Variants in SUGP1 observed in about 807,000 individuals in gnomAD.
SUGP1 encodes the protein SURP and G-patch domain containing 1.
In SUGP1, 34 loss-of-function variants were observed where a neutral mutation model predicts 76.5. The ratio of observed to expected loss-of-function variants is 0.44; its 90% CI spans 0.34 to 0.59. SUGP1 has a LOEUF of 0.59. Among genes scored for constraint, SUGP1 ranks in the 20% least tolerant of loss-of-function variants. The pLI is 0.01. For missense variants in SUGP1, 752 were observed against 851.7 expected (o/e 0.88, Z 1.46); for synonymous variants, 326 against 326.2 (o/e 1.00, Z 0.01).
intron 8 of SUGP1, among the ~76,000 whole-genome samples, chr19:19,285,997 C>T (rs1333765160): frequency 6.6e-6 from 1 of 152,162 alleles, no homozygotes; most frequent in African/African-American, 2.4e-5. Context: ...ACCAGCTGCC[C>T]GTCTTCTGGT....
chr19:19,316,272 AGCC>A (rs1282968604), intron 2 of SUGP1, 147 bp downstream of exon 2: 1 of 960,332 alleles, frequency 1.0e-6, no homozygotes. Flanking sequence ...TGCCACAGTG[AGCC>A]TCCCAAGGGC....
chr19:19,312,710 A>G (rs1052699931), intron 2 of SUGP1, among the ~76,000 whole-genome samples: 3 of 152,210 alleles, frequency 2.0e-5, no homozygotes, highest in African/African-American at 4.8e-5. Flanking sequence ...AAACAAGGCC[A>G]GGCGCGGTGG....
chr19:19,306,703 C>T (rs76944848), intron 3 of SUGP1, among the ~76,000 whole-genome samples: 16,641 of 152,304 alleles, frequency 0.11, 1,207 homozygotes, highest in Middle Eastern at 0.27. Flanking sequence ...GCATATCACA[C>T]TGCACACCTG....
At chr19:19,312,752 C>A (rs1247152573) in intron 2 of SUGP1, among the ~76,000 whole-genome samples, 1 of 152,074 alleles carries the variant, frequency 6.6e-6, no homozygotes, top group Non-Finnish European at 1.5e-5. Context: ...CTTTGGGAGG[C>A]CAAGGCGGGT....
chr19:19,316,827 A>C (rs1284370891), intron 1 of SUGP1, among the ~76,000 whole-genome samples: 1 of 152,126 alleles, frequency 6.6e-6, no homozygotes, highest in African/African-American at 2.4e-5. Flanking sequence ...CTGGGAAGAC[A>C]ATAGACCCAT....
intron 4 of SUGP1, chr19:19,304,187 C>T: frequency 3.9e-6 from 2 of 511,384 alleles, no homozygotes; most frequent in South Asian, 4.1e-5. Flanking sequence ...TACATCGGTT[C>T]CCTTTCATCC....
At chr19:19,278,066 T>C (rs986002719) in intron 11 of SUGP1, among the ~76,000 whole-genome samples, 187 bp from the exon 12 acceptor site, 3 of 152,110 alleles carry the variant, frequency 2.0e-5, no homozygotes, top group African/African-American at 7.2e-5. Flanking sequence ...CCCGGGGCCT[T>C]AGTGCCAAAC....
intron 2 of SUGP1, among the ~76,000 whole-genome samples, chr19:19,313,013 T>A (rs550642396): frequency 2.0e-4 from 30 of 148,880 alleles, no homozygotes; most frequent in South Asian, 4.3e-4. Context: ...ATAAATAAAA[T>A]AAATAAATAA....
intron 9 of SUGP1, 62 bp downstream of exon 9, chr19:19,280,123 G>A (rs1207763782): frequency 1.0e-5 from 15 of 1,491,652 alleles, no homozygotes; most frequent in Non-Finnish European, 1.4e-5. Context: ...GCACCCGGGG[G>A]TAGAGGACAA....
At chr19:19,285,151 G>C (rs1045713646) in intron 8 of SUGP1, among the ~76,000 whole-genome samples, 3 of 152,094 alleles carry the variant, frequency 2.0e-5, no homozygotes, top group Non-Finnish European at 4.4e-5. Context: ...ACAGGCGTGA[G>C]CTACCGTGCC....
chr19:19,276,751 G>A (rs1285658301), intron 13 of SUGP1, 77 bp from the exon 14 acceptor site: 37 of 1,604,374 alleles, frequency 2.3e-5, no homozygotes, highest in African/African-American at 8.0e-5. Flanking sequence ...GGAACCTTCC[G>A]GAGGCAGCTG....
At chr19:19,287,066 G>C (rs972326658) in intron 8 of SUGP1, among the ~76,000 whole-genome samples, 1 of 152,208 alleles carries the variant, frequency 6.6e-6, no homozygotes, top group Non-Finnish European at 1.5e-5. Context: ...TTTGAGGTCA[G>C]GAGTAAGAGA....
intron 5 of SUGP1, 74 bp from the exon 6 acceptor site, chr19:19,303,522 C>A (rs2061289339): frequency 6.8e-7 from 1 of 1,469,160 alleles, no homozygotes; most frequent in Non-Finnish European, 9.5e-7. Flanking sequence ...CAGCTTCTAT[C>A]GTGCAAAAAA....
intron 8 of SUGP1, among the ~76,000 whole-genome samples, chr19:19,293,429 C>A (rs994122771): frequency 6.6e-6 from 1 of 151,652 alleles, no homozygotes; most frequent in Non-Finnish European, 1.5e-5. Flanking sequence ...ACCAAAAACA[C>A]AAAAATTGGC....
rs954325559 is a variant in SUGP1 at position 19,303,929 on chromosome 19, C to T, written c.539-82G>A. The T allele has an allele frequency of 3.7e-6, 6 of 1,604,820 alleles. No individual in the cohort carries two copies. In the South Asian group the frequency reaches 5.5e-5, roughly 15 times the overall value. On this transcript the variant is annotated intron_variant, in intron 4 of 13. Transcript: ENST00000247001. ...ACACTCTCTCTATGGACCACAACGA[C>T]AGAGGGGGTGGGGGGAGAAGAGTGT...
At chr19:19,295,114 A>G (rs1411062147) in intron 8 of SUGP1, among the ~76,000 whole-genome samples, 2 of 152,042 alleles carry the variant, frequency 1.3e-5, no homozygotes, top group African/African-American at 4.8e-5. Context: ...CCTGGGTAAC[A>G]TACTGAGACC....
chr19:19,294,731 G>C (rs1045044434), intron 8 of SUGP1, among the ~76,000 whole-genome samples: 1 of 151,740 alleles, frequency 6.6e-6, no homozygotes, highest in Non-Finnish European at 1.5e-5. Context: ...GCAGGCACTG[G>C]GAGACCGCAC....
At chr19:19,304,616 C>T (rs1244567210) in intron 4 of SUGP1, among the ~76,000 whole-genome samples, 1 of 152,238 alleles carries the variant, frequency 6.6e-6, no homozygotes, top group African/African-American at 2.4e-5. Flanking sequence ...CCATGTGGAA[C>T]TTGCTTTTGC....
intron 3 of SUGP1, among the ~76,000 whole-genome samples, chr19:19,307,455 T>TA (rs1391847190): frequency 2.6e-5 from 4 of 151,688 alleles, no homozygotes; most frequent in South Asian, 2.1e-4. Flanking sequence ...CATCTAGACC[T>TA]AAAAAAAATA....
Sources: allele counts gnomAD v4.1 joint callset (sites outside exome capture counted in the v4.1 genomes callset), GRCh38; gene constraint gnomAD v4.1.1; transcripts MANE v1.5; gene names NCBI Gene and HGNC (gene_info 2026-07-23, HGNC 2026-07-21).